Variants in EFCAB3 observed in about 807,000 individuals in gnomAD.
The protein encoded by EFCAB3 is EF-hand calcium-binding domain-containing protein 3.
In EFCAB3, 36 loss-of-function variants were observed where a neutral mutation model predicts 42.2. That is an observed-to-expected ratio of 0.85 (90% confidence interval 0.65 to 1.13). The LOEUF is 1.13. Ranked by LOEUF, EFCAB3 falls within the 50% of genes most tolerant of loss-of-function variation. The pLI, the probability that EFCAB3 is intolerant of heterozygous loss-of-function variation, is 0.00. For missense variants in EFCAB3, 418 were observed against 505.1 expected (o/e 0.83, Z 1.65); for synonymous variants, 170 against 172.8 (o/e 0.98, Z 0.13).
upstream of EFCAB3, among the ~76,000 whole-genome samples, chr17:62,378,923 CA>C (rs879539580): frequency 1.3e-3 from 188 of 143,902 alleles, no homozygotes; most frequent in Middle Eastern, 3.6e-3. Context: ...TAAAGTATAA[CA>C]AAAAAAAAAA....
intron 1 of EFCAB3, among the ~76,000 whole-genome samples, chr17:62,371,748 G>A (rs995511658): frequency 4.6e-5 from 7 of 152,060 alleles, no homozygotes; most frequent in Non-Finnish European, 1.0e-4. Context: ...GGGGAATTTG[G>A]GGTTGTTTGT....
intron 1 of EFCAB3, chr17:62,373,752 T>C (rs2070130489): frequency 1.0e-6 from 1 of 968,882 alleles, no homozygotes. Flanking sequence ...TTTTTAATAA[T>C]TTCACAACTG....
chr17:62,376,455 C>T (rs2070151380), upstream of EFCAB3, among the ~76,000 whole-genome samples: 1 of 152,148 alleles, frequency 6.6e-6, no homozygotes, highest in Non-Finnish European at 1.5e-5. Context: ...CAGAGCGAGA[C>T]TCTGCCTAAA....
chr17:62,383,018 TC>T lies in EFCAB3; in HGVS notation c.41del (p.Pro14LeufsTer2). On this transcript the variant is annotated frameshift_variant, in exon 2 of 10. Transcript: ENST00000305286. LOFTEE classifies it high-confidence loss of function. ...AAATTAAACCAAAACTTAAGCTGAA[TC>T]CTCTAACAAAAGTACCCATCTCCCA... Reference protein sequence around the residue: ...SEIKPKLKLNPLTKVPISHNK... With the variant: ...SEIKPKLKLNXLTKVPISHNK... 6.2e-7 allele frequency: 1 copy of T among 1,613,754 alleles called. No individual in the cohort carries two copies. The highest frequency in any genetic ancestry group is 1.3e-5 in the African/African-American group (1 of 75,020).
At chr17:62,393,515 T>A in intron 4 of EFCAB3, 58 bp from the exon 5 acceptor site, 2 of 1,306,764 alleles carry the variant, frequency 1.5e-6, no homozygotes, top group Non-Finnish European at 2.2e-6. Context: ...ATTTAATATA[T>A]ACTCTGATAA....
chr17:62,411,306 G>C (rs1207470899), intron 8 of EFCAB3, among the ~76,000 whole-genome samples: 1 of 152,182 alleles, frequency 6.6e-6, no homozygotes, highest in Non-Finnish European at 1.5e-5. Context: ...AATTATTAAA[G>C]AGAGGTGTTT....
chr17:62,370,516 C>T (rs534922058), intron 1 of EFCAB3, among the ~76,000 whole-genome samples: 4 of 152,106 alleles, frequency 2.6e-5, no homozygotes, highest in East Asian at 1.9e-4. Flanking sequence ...ATTAACTGGG[C>T]GTGGTGGTGG....
At chr17:62,401,819 T>C (rs1041805624) in intron 6 of EFCAB3, among the ~76,000 whole-genome samples, 46 of 152,372 alleles carry the variant, frequency 3.0e-4, no homozygotes, top group African/African-American at 1.0e-3. Flanking sequence ...TTTCCAATTC[T>C]GTAAAGAAAG....
chr17:62,372,936 TTTGA>T (rs2070124289), intron 1 of EFCAB3, among the ~76,000 whole-genome samples: 1 of 152,178 alleles, frequency 6.6e-6, no homozygotes, highest in Non-Finnish European at 1.5e-5. Context: ...TTTTTGTCCC[TTTGA>T]TTAATACAAT....
At chr17:62,390,101 T>A (rs1050554382) in intron 3 of EFCAB3, among the ~76,000 whole-genome samples, 2 of 152,140 alleles carry the variant, frequency 1.3e-5, no homozygotes, top group African/African-American at 4.8e-5. Flanking sequence ...TGATTAAATT[T>A]TCAATAGGAA....
exon 1 of EFCAB3, chr17:62,370,262 G>A (rs552532048): frequency 1.2e-5 from 19 of 1,551,494 alleles, no homozygotes; most frequent in African/African-American, 4.1e-5. Context: ...TCTAGCAAGC[G>A]AAGGGATTGA....
intron 1 of EFCAB3, among the ~76,000 whole-genome samples, chr17:62,370,894 T>C (rs2144040875): frequency 6.6e-6 from 1 of 150,930 alleles, no homozygotes; most frequent in African/African-American, 2.4e-5. Context: ...TCAAGATCAG[T>C]CTGAGCAATA....
At chr17:62,411,325 C>T (rs2070493282) in intron 8 of EFCAB3, among the ~76,000 whole-genome samples, 1 of 152,018 alleles carries the variant, frequency 6.6e-6, no homozygotes, top group African/African-American at 2.4e-5. Context: ...TTAGTAATGA[C>T]TGAGTATTTT....
chr17:62,403,615 C>T (rs191891748), intron 6 of EFCAB3, among the ~76,000 whole-genome samples: 3 of 152,200 alleles, frequency 2.0e-5, no homozygotes, highest in Admixed American at 6.5e-5. Context: ...ATAATATATC[C>T]TTTGCTTAAC....
intron 1 of EFCAB3, among the ~76,000 whole-genome samples, chr17:62,370,907 C>T (rs1308759684): frequency 6.6e-6 from 1 of 151,092 alleles, no homozygotes; most frequent in African/African-American, 2.4e-5. Context: ...GAGCAATAGA[C>T]TGAAACCCTG....
intron 2 of EFCAB3, among the ~76,000 whole-genome samples, chr17:62,386,520 G>A (rs1248137545): frequency 6.6e-6 from 1 of 151,656 alleles, no homozygotes; most frequent in Non-Finnish European, 1.5e-5. Flanking sequence ...CTCTGTAAGG[G>A]TATTCACCAC....
chr17:62,414,228 A>T (rs2598170), intron 9 of EFCAB3, among the ~76,000 whole-genome samples: 1 of 152,322 alleles, frequency 6.6e-6, no homozygotes, highest in African/African-American at 2.4e-5. Context: ...TAGCCCTGGG[A>T]CACCAGCTGC....
upstream of EFCAB3, chr17:62,377,861 T>A (rs2070162909): frequency 1.2e-6 from 1 of 859,344 alleles, no homozygotes; most frequent in South Asian, 1.8e-5. Context: ...ATTTTCTTAA[T>A]TTTTTCACTC....
Position 62,387,439 on chromosome 17 carries a change from T to C in EFCAB3, c.151+23T>C, listed in dbSNP as rs532600288. 96 of 1,591,878 alleles carry C rather than the reference T, an allele frequency of 6.0e-5. 1 individual carries two copies. In the East Asian group the frequency reaches 2.0e-3, roughly 33 times the overall value. ...CAGGTAATGAGAATCATCCTCAAAA[T>C]TGAAGCATAACAGCTCCTTAATATG... On this transcript the variant is annotated intron_variant, in intron 3 of 9. Coordinates refer to ENST00000305286, the MANE Select transcript of EFCAB3 (RefSeq NM_173503.4).
Sources: allele counts gnomAD v4.1 joint callset (sites outside exome capture counted in the v4.1 genomes callset), GRCh38; gene constraint gnomAD v4.1.1; transcripts MANE v1.5; gene names NCBI Gene and HGNC (gene_info 2026-07-23, HGNC 2026-07-21).